The following PRH1 variants were observed in gnomAD, a reference collection of about 807,000 sequenced individuals.
PRH1 encodes salivary acidic proline-rich phosphoprotein 1/2.
A neutral mutation model predicts 7.9 loss-of-function variants in PRH1; 7 were observed. The ratio of observed to expected loss-of-function variants is 0.89; its 90% CI spans 0.50 to 1.67. The LOEUF (loss-of-function observed/expected upper bound fraction) is 1.67, where lower values mean the gene tolerates loss of function less well. PRH1 is among the 40% of genes most tolerant of loss of function. PRH1 has a pLI of 0.00. For synonymous variants in PRH1, 45 were observed against 80.8 expected, an observed-to-expected ratio of 0.56 and a Z score of 2.38; for missense variants, 109 against 223.6, an observed-to-expected ratio of 0.49 and a Z score of 3.27.
intron 2 of PRH1, among the ~76,000 whole-genome samples, chr12:10,956,514 G>T (rs1937967982): frequency 6.6e-6 from 1 of 152,062 alleles, no homozygotes; most frequent in Non-Finnish European, 1.5e-5. Flanking sequence ...ACAGGAACAA[G>T]ACAAGGGTGT....
chr12:11,008,680 T>C (rs1023124916), intron 1 of PRH1, among the ~76,000 whole-genome samples: 1 of 152,182 alleles, frequency 6.6e-6, no homozygotes, highest in Non-Finnish European at 1.5e-5. Flanking sequence ...AATCTGAAAT[T>C]TAATCAGACA....
intron 1 of PRH1, among the ~76,000 whole-genome samples, chr12:11,130,244 G>A (rs1391606117): frequency 1.3e-5 from 2 of 152,156 alleles, no homozygotes; most frequent in Non-Finnish European, 2.9e-5. Context: ...TTGAGCAGAA[G>A]TAAAATACCA....
At chr12:10,901,230 C>A (rs186065922) in intron 2 of PRH1, among the ~76,000 whole-genome samples, 1 of 152,256 alleles carries the variant, frequency 6.6e-6, no homozygotes, top group Admixed American at 6.5e-5. Flanking sequence ...TGAGTCACCC[C>A]ATTTACCCTG....
chr12:10,956,295 A>C (rs1937953022), intron 2 of PRH1, among the ~76,000 whole-genome samples: 1 of 152,252 alleles, frequency 6.6e-6, no homozygotes, highest in African/African-American at 2.4e-5. Flanking sequence ...TATGTGATTC[A>C]TCACATAAGT....
rs527507214 is a variant in PRH1, at chr12:10,914,328, T to C, written c.-58-30053A>G. Among the ~76,000 whole-genome samples the C allele has an allele frequency of 2.6e-5, 4 of 152,324 alleles. No homozygotes were observed. In the South Asian group the frequency reaches 6.2e-4, roughly 24 times the overall value. ...TGCTCTAAAAGAAAATGATATTTATTTGGGAGTAATATTGCAATGAGAATA... is the reference window on the plus strand; with the variant it reads ...TGCTCTAAAAGAAAATGATATTTATCTGGGAGTAATATTGCAATGAGAATA... On this transcript the variant is annotated intron_variant, in intron 2 of 3. Transcript: ENST00000539853.
At chr12:11,066,742 T>C (rs1421835832) in intron 1 of PRH1, among the ~76,000 whole-genome samples, 1 of 151,734 alleles carries the variant, frequency 6.6e-6, no homozygotes, top group Non-Finnish European at 1.5e-5. Flanking sequence ...TTCAGGGTAG[T>C]GAGAGAACCC....
chr12:10,884,319 C>G, upstream of PRH1: 1 of 1,461,490 alleles, frequency 6.8e-7, no homozygotes, highest in South Asian at 1.2e-5. Flanking sequence ...GAGCTCCCTA[C>G]CAGGTGGGCC....
chr12:11,037,442 C>T (rs1392808627), intron 1 of PRH1, among the ~76,000 whole-genome samples: 1 of 152,044 alleles, frequency 6.6e-6, no homozygotes, highest in Non-Finnish European at 1.5e-5. Flanking sequence ...AATATTTAAC[C>T]CAACTTACAG....
chr12:11,155,719 T>A (rs1475068564), intron 1 of PRH1, among the ~76,000 whole-genome samples: 1 of 152,176 alleles, frequency 6.6e-6, no homozygotes, highest in African/African-American at 2.4e-5. Flanking sequence ...TGTTCCATTA[T>A]ATGAATTTGC....
At chr12:11,108,736 A>G (rs2597954) in intron 1 of PRH1, among the ~76,000 whole-genome samples, 149,728 of 152,292 alleles carry the variant, frequency 0.98, 73,637 homozygotes, top group Middle Eastern at 1. Flanking sequence ...CATAAAACTG[A>G]GCGATCATTT....
At chr12:10,919,403 T>C (rs1486808391) in intron 2 of PRH1, among the ~76,000 whole-genome samples, 1 of 152,192 alleles carries the variant, frequency 6.6e-6, no homozygotes, top group Non-Finnish European at 1.5e-5. Context: ...ATGTAACTAT[T>C]TGTTGGACAC....
intron 1 of PRH1, chr12:11,134,530 T>C (rs879827030): frequency 2.8e-6 from 1 of 357,204 alleles, no homozygotes; most frequent in Admixed American, 4.4e-5. Flanking sequence ...TTATTCATAC[T>C]GAAATTGACA....
At chr12:11,012,843 T>A (rs999628296) in intron 1 of PRH1, among the ~76,000 whole-genome samples, 4 of 152,124 alleles carry the variant, frequency 2.6e-5, no homozygotes, top group Non-Finnish European at 5.9e-5. Flanking sequence ...AGGCGTGAAC[T>A]GCACCTAGCT....
chr12:11,161,874 G>T (rs1947427640), intron 1 of PRH1, among the ~76,000 whole-genome samples: 1 of 152,206 alleles, frequency 6.6e-6, no homozygotes, highest in African/African-American at 2.4e-5. Context: ...ATACAGACAT[G>T]AAACATTTGT....
intron 1 of PRH1, among the ~76,000 whole-genome samples, chr12:11,008,920 C>T (rs1329724003): frequency 6.6e-6 from 1 of 151,790 alleles, no homozygotes; most frequent in East Asian, 1.9e-4. Flanking sequence ...CAAATTCTGC[C>T]CACAGACATA....
chr12:11,152,221 A>AACCC (rs1262853787), intron 1 of PRH1, among the ~76,000 whole-genome samples: 2 of 88,526 alleles, frequency 2.3e-5, no homozygotes, highest in African/African-American at 7.4e-5. Context: ...TCCTAATGCT[A>AACCC]TCCCTCCCCC....
chr12:11,086,561 A>C (rs75578940), intron 1 of PRH1, among the ~76,000 whole-genome samples: 2 of 86,124 alleles, frequency 2.3e-5, no homozygotes, highest in Admixed American at 1.0e-4. Context: ...GCTTCATATA[A>C]CTATGATGTG....
At chr12:11,164,075 T>C (rs560532600) in intron 1 of PRH1, among the ~76,000 whole-genome samples, 2 of 152,192 alleles carry the variant, frequency 1.3e-5, no homozygotes, top group Non-Finnish European at 2.9e-5. Flanking sequence ...GTAGCTGTGA[T>C]GGTTAATTTT....
At chr12:11,150,366 C>T (rs1947033128) in intron 1 of PRH1, among the ~76,000 whole-genome samples, 1 of 152,096 alleles carries the variant, frequency 6.6e-6, no homozygotes, top group South Asian at 2.1e-4. Context: ...AAGACACATG[C>T]ACACGTATGT....
Sources: allele counts gnomAD v4.1 joint callset (sites outside exome capture counted in the v4.1 genomes callset), GRCh38; gene constraint gnomAD v4.1.1; transcripts MANE v1.5; gene names NCBI Gene and HGNC (gene_info 2026-07-23, HGNC 2026-07-21).